The following LINGO2 variants were observed in gnomAD, a reference collection of about 807,000 sequenced individuals.
The protein encoded by LINGO2 is leucine-rich repeat and immunoglobulin-like domain-containing nogo receptor-interacting protein 2.
A neutral mutation model predicts 30.6 loss-of-function variants in LINGO2; 14 were observed. The ratio of observed to expected loss-of-function variants is 0.46; its 90% CI spans 0.30 to 0.72. The LOEUF is 0.72. Ranked by LOEUF, LINGO2 falls within the 30% of genes least tolerant of loss-of-function variation. LINGO2 has a pLI of 0.07. For synonymous variants in LINGO2, 317 were observed against 288.5 expected, an observed-to-expected ratio of 1.10 and a Z score of -1.00; for missense variants, 729 against 751.7, an observed-to-expected ratio of 0.97 and a Z score of 0.35.
chr9:28,322,177 C>A (rs1470540681), intron 3 of LINGO2, among the ~76,000 whole-genome samples: 1 of 152,226 alleles, frequency 6.6e-6, no homozygotes, highest in Non-Finnish European at 1.5e-5. Context: ...GCCTGTGCTC[C>A]AACTGTCCCT....
At chr9:28,776,422 C>G in the LINGO2 span, among the ~76,000 whole-genome samples, 2 of 152,102 alleles carry the variant, frequency 1.3e-5, no homozygotes, top group South Asian at 4.1e-4. Flanking sequence ...TTCTGCCTGT[C>G]CTTTAGAATT....
chr9:29,038,037 T>C, the LINGO2 span, among the ~76,000 whole-genome samples: 1 of 152,038 alleles, frequency 6.6e-6, no homozygotes, highest in African/African-American at 2.4e-5. Flanking sequence ...ATGTTGATGA[T>C]ATTTTGATTT....
chr9:28,812,683 C>T, the LINGO2 span, among the ~76,000 whole-genome samples: 8 of 152,106 alleles, frequency 5.3e-5, no homozygotes, highest in African/African-American at 1.9e-4. Context: ...GATTGTTTTT[C>T]TCAGAGAAAG....
At chr9:28,716,987 C>T in the LINGO2 span, among the ~76,000 whole-genome samples, 3 of 151,902 alleles carry the variant, frequency 2.0e-5, no homozygotes, top group African/African-American at 4.8e-5. Context: ...ATCTGCTATA[C>T]AATTATAGAC....
chr9:28,096,257 T>C (rs764512338), intron 4 of LINGO2, among the ~76,000 whole-genome samples: 21 of 152,200 alleles, frequency 1.4e-4, no homozygotes, highest in Non-Finnish European at 2.9e-4. Context: ...CTTAGGATAA[T>C]ATTTATGGTA....
At chr9:29,060,873 A>C in the LINGO2 span, among the ~76,000 whole-genome samples, 1 of 151,914 alleles carries the variant, frequency 6.6e-6, no homozygotes, top group Admixed American at 6.6e-5. Context: ...AGGAAAAAAA[A>C]TTTTCTTCAG....
the LINGO2 span, among the ~76,000 whole-genome samples, chr9:28,709,509 G>A: frequency 6.6e-6 from 1 of 151,990 alleles, no homozygotes; most frequent in Middle Eastern, 3.4e-3. Context: ...CGTGTTCCAA[G>A]CTTTCCTTAA....
At chr9:27,982,249 A>T (rs185808626) in intron 5 of LINGO2, among the ~76,000 whole-genome samples, 11 of 151,930 alleles carry the variant, frequency 7.2e-5, no homozygotes, top group African/African-American at 2.7e-4. Context: ...GGTCAGATGC[A>T]TGCTCTCAAT....
chr9:29,171,183 GAAATTTGCATATGGTTCCTGA>G, the LINGO2 span, among the ~76,000 whole-genome samples: 3 of 152,124 alleles, frequency 2.0e-5, no homozygotes, highest in African/African-American at 2.4e-5. Context: ...GTTCTACTGA[GAAATTTGCATATGGTTCCTGA>G]AAATTTGCAT....
At chr9:28,658,576 C>T (rs112528395) in intron 1 of LINGO2, among the ~76,000 whole-genome samples, 1,947 of 152,114 alleles carry the variant, frequency 0.013, 25 homozygotes, top group South Asian at 0.055. Context: ...ATTTCAACTA[C>T]TATATGCATG....
At chr9:28,016,540 GACT>G (rs1822847357) in intron 4 of LINGO2, among the ~76,000 whole-genome samples, 1 of 151,968 alleles carries the variant, frequency 6.6e-6, no homozygotes. Flanking sequence ...ACCCCTAAGA[GACT>G]ACTATGAACA....
At chr9:28,397,194 C>G in intron 2 of LINGO2, among the ~76,000 whole-genome samples, 1 of 151,966 alleles carries the variant, frequency 6.6e-6, no homozygotes, top group East Asian at 1.9e-4. Context: ...ATAACTCCTA[C>G]TAACTCCTAT....
Position 28,073,200 on chromosome 9 carries a change from G to A in LINGO2, c.-86-60795C>T, listed in dbSNP as rs540866237. On this transcript the variant is annotated intron_variant, in intron 4 of 5. Coordinates refer to ENST00000379992, the Ensembl canonical transcript of LINGO2. ...AGCAGCTGACGGGATGGAGAAGGGCGCGCCAAAGTCCAACTCTCAAACTTA... is the reference window on the plus strand; with the variant it reads ...AGCAGCTGACGGGATGGAGAAGGGCACGCCAAAGTCCAACTCTCAAACTTA... Among the ~76,000 whole-genome samples the A allele has an allele frequency of 8.7e-4, 133 of 152,050 alleles. 1 individual carries two copies. The highest frequency in any genetic ancestry group is 3.0e-3 in the African/African-American group (123 of 41,514).
chr9:28,501,176 A>C (rs7852720), intron 1 of LINGO2, among the ~76,000 whole-genome samples: 1 of 152,192 alleles, frequency 6.6e-6, no homozygotes, highest in African/African-American at 2.4e-5. Context: ...GTATATTTAT[A>C]TAAAAATGCA....
the LINGO2 span, among the ~76,000 whole-genome samples, chr9:28,831,053 G>T: frequency 2.0e-5 from 3 of 152,172 alleles, no homozygotes; most frequent in African/African-American, 7.2e-5. Context: ...AAAGGAAAAT[G>T]GTGGATTTCT....
At chr9:29,047,915 C>G in the LINGO2 span, among the ~76,000 whole-genome samples, 1 of 151,912 alleles carries the variant, frequency 6.6e-6, no homozygotes, top group Non-Finnish European at 1.5e-5. Context: ...ACCAGCCTGG[C>G]CAACATGGTG....
At chr9:28,970,574 G>C in the LINGO2 span, among the ~76,000 whole-genome samples, 270 of 152,248 alleles carry the variant, frequency 1.8e-3, 1 homozygote, top group Middle Eastern at 0.027. Context: ...TGTGCTGAGG[G>C]AGGGAGAGCA....
intron 3 of LINGO2, among the ~76,000 whole-genome samples, chr9:28,359,658 G>GT (rs1564148706): frequency 6.6e-6 from 1 of 152,148 alleles, no homozygotes; most frequent in Non-Finnish European, 1.5e-5. Flanking sequence ...ATAAGCAGCT[G>GT]TTTTTTCTAC....
chr9:28,587,856 G>A (rs1824643052), intron 1 of LINGO2, among the ~76,000 whole-genome samples: 1 of 151,898 alleles, frequency 6.6e-6, no homozygotes, highest in Non-Finnish European at 1.5e-5. Flanking sequence ...AGCTCTGAAG[G>A]GCATAAAGGA....
Sources: allele counts gnomAD v4.1 joint callset (sites outside exome capture counted in the v4.1 genomes callset), GRCh38; gene constraint gnomAD v4.1.1; transcripts MANE v1.5; gene names NCBI Gene and HGNC (gene_info 2026-07-23, HGNC 2026-07-21).